The following SLC10A7 variants were observed in gnomAD, a reference collection of about 807,000 sequenced individuals.
The protein encoded by SLC10A7 is sodium/bile acid cotransporter 7.
A neutral mutation model predicts 43.2 loss-of-function variants in SLC10A7; 29 were observed. The ratio of observed to expected loss-of-function variants is 0.67; its 90% CI spans 0.50 to 0.92. SLC10A7 has a LOEUF of 0.92. Among genes scored for constraint, SLC10A7 ranks in the 40% least tolerant of loss-of-function variants. The pLI, the probability that SLC10A7 is intolerant of heterozygous loss-of-function variation, is 0.00. For missense variants in SLC10A7, 295 were observed against 403.2 expected (o/e 0.73, Z 2.30); for synonymous variants, 152 against 144.8 (o/e 1.05, Z -0.35).
At chr4:146,301,382 G>A (rs1731151488) in intron 7 of SLC10A7, among the ~76,000 whole-genome samples, 1 of 152,158 alleles carries the variant, frequency 6.6e-6, no homozygotes, top group African/African-American at 2.4e-5. Flanking sequence ...GAGAGGAGTG[G>A]TGGGAGGTGG....
At chr4:146,459,099 T>A (rs1732314987) in intron 4 of SLC10A7, among the ~76,000 whole-genome samples, 1 of 151,720 alleles carries the variant, frequency 6.6e-6, no homozygotes, top group East Asian at 1.9e-4. Context: ...ATAAAAATAT[T>A]TTTCACAAAC....
chr4:146,472,436 G>GTTTTTTTTTTTTTTTTT (rs5862760), intron 4 of SLC10A7, among the ~76,000 whole-genome samples: 1 of 128,940 alleles, frequency 7.8e-6, no homozygotes, highest in Non-Finnish European at 1.6e-5. Context: ...GGCTTATTCT[G>GTTTTTTTTTTTTTTTTT]TTTTTTTTTT....
At chr4:146,269,293 T>A (rs1419960071) in intron 10 of SLC10A7, among the ~76,000 whole-genome samples, 1 of 152,222 alleles carries the variant, frequency 6.6e-6, no homozygotes, top group African/African-American at 2.4e-5. Flanking sequence ...AGGTACACCC[T>A]CACCTGTCTG....
At chr4:146,345,974 A>G (rs1361058387) in intron 5 of SLC10A7, among the ~76,000 whole-genome samples, 1 of 152,138 alleles carries the variant, frequency 6.6e-6, no homozygotes, top group Non-Finnish European at 1.5e-5. Context: ...ATGCACACAG[A>G]GGTTAGCTAA....
At chr4:146,339,786 C>T (rs944808723) in intron 5 of SLC10A7, among the ~76,000 whole-genome samples, 1 of 151,034 alleles carries the variant, frequency 6.6e-6, no homozygotes, top group Non-Finnish European at 1.5e-5. Flanking sequence ...TGTTTTCCTG[C>T]CTTTTTATAG....
chr4:146,521,208 C>CTT (rs566238282), intron 1 of SLC10A7, among the ~76,000 whole-genome samples: 84 of 147,328 alleles, frequency 5.7e-4, no homozygotes, highest in African/African-American at 2.0e-3. Context: ...TTTTCCTCCA[C>CTT]TTTTTTTTTT....
At chr4:146,417,951 C>G (rs1039813358) in intron 5 of SLC10A7, among the ~76,000 whole-genome samples, 3 of 151,976 alleles carry the variant, frequency 2.0e-5, no homozygotes, top group Non-Finnish European at 4.4e-5. Context: ...GGACTCTCTC[C>G]TCTCTCTCCT....
At chr4:146,340,529 A>G (rs1734190881) in intron 5 of SLC10A7, among the ~76,000 whole-genome samples, 1 of 146,900 alleles carries the variant, frequency 6.8e-6, no homozygotes, top group African/African-American at 2.7e-5. Context: ...GTGTATATAT[A>G]TATATGGAGA....
intron 4 of SLC10A7, among the ~76,000 whole-genome samples, chr4:146,488,832 A>G (rs1735140029): frequency 6.6e-6 from 1 of 152,244 alleles, no homozygotes; most frequent in South Asian, 2.1e-4. Flanking sequence ...TTTAACACAG[A>G]ACAAAGTTTA....
chr4:146,519,095 ATATATATATAT>A (rs1560991549), intron 1 of SLC10A7, among the ~76,000 whole-genome samples: 11 of 109,922 alleles, frequency 1.0e-4, no homozygotes, highest in African/African-American at 1.9e-4. Flanking sequence ...ATATATATAT[ATATATATATAT>A]ATATATAATA....
intron 5 of SLC10A7, among the ~76,000 whole-genome samples, chr4:146,390,891 A>G (rs1738379359): frequency 6.6e-6 from 1 of 152,158 alleles, no homozygotes; most frequent in African/African-American, 2.4e-5. Context: ...ATGGTTGTAA[A>G]GGTGGGAAAT....
At chr4:146,425,317 T>C (rs1006886412) in intron 5 of SLC10A7, among the ~76,000 whole-genome samples, 16 of 152,174 alleles carry the variant, frequency 1.1e-4, no homozygotes, top group Admixed American at 3.9e-4. Flanking sequence ...AATTGCAAAA[T>C]AGTTTGTTTA....
chr4:146,416,335 C>A (rs1185014575), intron 5 of SLC10A7, among the ~76,000 whole-genome samples: 1 of 152,048 alleles, frequency 6.6e-6, no homozygotes, highest in Non-Finnish European at 1.5e-5. Flanking sequence ...CAGAGAATTT[C>A]AAAAGACTGG....
At chr4:146,396,804 GA>G (rs145754832) in intron 5 of SLC10A7, among the ~76,000 whole-genome samples, 3 of 145,146 alleles carry the variant, frequency 2.1e-5, no homozygotes, top group Admixed American at 6.9e-5. Flanking sequence ...TAAAATCACT[GA>G]AAAAAAAAAG....
intron 3 of SLC10A7, among the ~76,000 whole-genome samples, chr4:146,504,212 G>A (rs1008780591): frequency 2.0e-5 from 3 of 151,974 alleles, no homozygotes; most frequent in African/African-American, 7.2e-5. Context: ...TATAGTGAGT[G>A]CAGTCATTGA....
intron 5 of SLC10A7, among the ~76,000 whole-genome samples, chr4:146,396,867 A>G (rs912291723): frequency 6.6e-6 from 1 of 152,054 alleles, no homozygotes; most frequent in Admixed American, 6.6e-5. Context: ...TTAAACCCAT[A>G]CAAAGAAAAG....
At chr4:146,432,132 T>A (rs1254182377) in intron 5 of SLC10A7, among the ~76,000 whole-genome samples, 1 of 152,192 alleles carries the variant, frequency 6.6e-6, no homozygotes, top group Non-Finnish European at 1.5e-5. Context: ...ATATTGCGAA[T>A]GTCAAGGGAT....
intron 1 of SLC10A7, among the ~76,000 whole-genome samples, chr4:146,518,311 GT>G: frequency 6.6e-6 from 1 of 152,256 alleles, no homozygotes; most frequent in Middle Eastern, 3.4e-3. Flanking sequence ...GTTTAGAAAT[GT>G]TTTTTGGTTG....
intron 4 of SLC10A7, among the ~76,000 whole-genome samples, chr4:146,482,662 G>T (rs1734576113): frequency 6.6e-6 from 1 of 151,846 alleles, no homozygotes; most frequent in African/African-American, 2.4e-5. Context: ...TTGGCATTAT[G>T]GGAGTTCCAG....
Sources: gnomAD v4.1 joint callset for allele counts (sites outside exome capture counted in the v4.1 genomes callset) on GRCh38, gnomAD v4.1.1 for gene constraint, MANE v1.5 for transcripts, NCBI Gene and HGNC (gene_info 2026-07-23, HGNC 2026-07-21) for gene names.